KLHL29: variants seen among roughly 807,000 people sequenced by gnomAD.
KLHL29 encodes kelch-like protein 29.
Under a neutral mutation model 80.4 loss-of-function variants are expected in KLHL29, and 21 were observed. The ratio of observed to expected loss-of-function variants is 0.26; its 90% confidence interval spans 0.19 to 0.38. KLHL29 has a LOEUF of 0.38. KLHL29 is among the 10% of genes least tolerant of loss of function. The pLI is 1.00. For synonymous variants in KLHL29, 511 were observed against 526.8 expected (o/e 0.97, Z 0.41); for missense variants, 867 against 1,223.9 (o/e 0.71, Z 4.35).
intron 1 of KLHL29, among the ~76,000 whole-genome samples, chr2:23,470,027 A>T (rs1332305974): frequency 6.6e-6 from 1 of 151,990 alleles, no homozygotes; most frequent in Non-Finnish European, 1.5e-5. Flanking sequence ...AAAAAAAAAA[A>T]AGATTTTAAG....
At chr2:23,624,230 T>C (rs1669255025) in intron 3 of KLHL29, among the ~76,000 whole-genome samples, 1 of 152,148 alleles carries the variant, frequency 6.6e-6, no homozygotes, top group Admixed American at 6.5e-5. Flanking sequence ...TGTACTCCCC[T>C]GCCTACCCCA....
chr2:23,438,522 G>A (rs199541372), intron 1 of KLHL29, among the ~76,000 whole-genome samples: 5 of 144,530 alleles, frequency 3.5e-5, no homozygotes, highest in Admixed American at 2.8e-4. Flanking sequence ...TAGCATGAAG[G>A]GTTGTTGAAT....
intron 1 of KLHL29, among the ~76,000 whole-genome samples, chr2:23,462,074 G>C: frequency 6.7e-6 from 1 of 148,944 alleles, no homozygotes; most frequent in East Asian, 2.0e-4. Flanking sequence ...AGAGATTTTT[G>C]TCTGAATCTC....
intron 3 of KLHL29, among the ~76,000 whole-genome samples, chr2:23,625,461 C>T (rs943285867): frequency 4.6e-5 from 7 of 152,270 alleles, no homozygotes; most frequent in Admixed American, 1.3e-4. Context: ...CAACAGCATT[C>T]GGGAAAGACT....
intron 3 of KLHL29, among the ~76,000 whole-genome samples, chr2:23,605,557 TCA>T (rs1469911167): frequency 6.6e-6 from 1 of 152,148 alleles, no homozygotes; most frequent in African/African-American, 2.4e-5. Flanking sequence ...TCATCTTCTC[TCA>T]GTTTTTGTTG....
intron 2 of KLHL29, among the ~76,000 whole-genome samples, chr2:23,554,705 C>T (rs964539847): frequency 6.6e-6 from 1 of 152,226 alleles, no homozygotes; most frequent in African/African-American, 2.4e-5. Context: ...TCTCCGGGCC[C>T]AGGGCTGAGG....
chr2:23,469,152 C>T (rs970483573), intron 1 of KLHL29, among the ~76,000 whole-genome samples: 1 of 152,188 alleles, frequency 6.6e-6, no homozygotes, highest in Admixed American at 6.5e-5. Flanking sequence ...AAAGCTGTGT[C>T]CACACTGGAG....
rs560791059 is a variant in KLHL29, at chr2:23,636,120, G to C, written c.286-3019G>C. ...GCTTCCAGAACCCGGGGACCACATG[G>C]GTTTACTGAGGGCCTGGAACTCGTC... On this transcript the variant is annotated intron_variant, in intron 3 of 13. Coordinates refer to ENST00000486442, the MANE Select transcript of KLHL29 (RefSeq NM_052920.2). 1.2e-4 allele frequency among the ~76,000 whole-genome samples: 18 copies of C among 152,312 alleles called. No individual in the cohort carries two copies. In the South Asian group the frequency reaches 3.3e-3, roughly 28 times the overall value.
At chr2:23,546,263 C>A (rs1666977049) in intron 2 of KLHL29, among the ~76,000 whole-genome samples, 1 of 152,114 alleles carries the variant, frequency 6.6e-6, no homozygotes, top group Non-Finnish European at 1.5e-5. Flanking sequence ...GCAGGGGTGG[C>A]CAATGCAGTG....
chr2:23,598,885 C>T (rs1668496060), intron 3 of KLHL29, among the ~76,000 whole-genome samples: 1 of 152,194 alleles, frequency 6.6e-6, no homozygotes, highest in Non-Finnish European at 1.5e-5. Flanking sequence ...ATAGGGGTGG[C>T]CCTCTTCGGC....
chr2:23,436,326 GTGTGTC>G (rs1189778075), intron 1 of KLHL29, among the ~76,000 whole-genome samples: 208 of 137,970 alleles, frequency 1.5e-3, no homozygotes, highest in Non-Finnish European at 2.8e-3. Context: ...GTGTGTGTGT[GTGTGTC>G]TCAGCACCAG....
intron 5 of KLHL29, chr2:23,643,075 C>A: frequency 1.5e-6 from 1 of 688,550 alleles, no homozygotes; most frequent in Non-Finnish European, 2.6e-6. Flanking sequence ...GAAAATGCGC[C>A]GGGGTAAGAA....
At chr2:23,418,951 C>T (rs1225052966) in intron 1 of KLHL29, among the ~76,000 whole-genome samples, 3 of 152,132 alleles carry the variant, frequency 2.0e-5, no homozygotes, top group East Asian at 1.9e-4. Context: ...TGGCACTTTC[C>T]ATGGTAAAGG....
chr2:23,439,837 T>C (rs1335838361), intron 1 of KLHL29, among the ~76,000 whole-genome samples: 2 of 152,160 alleles, frequency 1.3e-5, no homozygotes, highest in African/African-American at 2.4e-5. Flanking sequence ...CCGCTTGGTG[T>C]AGAGCTGAGT....
intron 2 of KLHL29, among the ~76,000 whole-genome samples, chr2:23,475,982 G>A (rs1375470338): frequency 2.0e-5 from 3 of 152,154 alleles, no homozygotes; most frequent in African/African-American, 4.8e-5. Context: ...GGGTTCAAGC[G>A]ATCCTTCCAC....
chr2:23,468,422 G>A (rs889799527), intron 1 of KLHL29, among the ~76,000 whole-genome samples: 10 of 152,170 alleles, frequency 6.6e-5, no homozygotes, highest in African/African-American at 2.2e-4. Context: ...AAGGGGACCA[G>A]CAAATCACGA....
chr2:23,630,048 G>C (rs1007298564), intron 3 of KLHL29, among the ~76,000 whole-genome samples: 1 of 152,332 alleles, frequency 6.6e-6, no homozygotes, highest in East Asian at 1.9e-4. Context: ...CCATTGTTAG[G>C]GATCAGAGAA....
At chr2:23,418,054 C>G (rs938482318) in intron 1 of KLHL29, among the ~76,000 whole-genome samples, 1 of 152,214 alleles carries the variant, frequency 6.6e-6, no homozygotes, top group African/African-American at 2.4e-5. Context: ...TCCCCGAAGC[C>G]CAGCACAGTC....
chr2:23,664,239 C>T (rs1670495576), intron 5 of KLHL29, among the ~76,000 whole-genome samples: 1 of 152,152 alleles, frequency 6.6e-6, no homozygotes, highest in Admixed American at 6.5e-5. Flanking sequence ...TAATACACTG[C>T]ACACTGTCAG....
Sources: gnomAD v4.1 joint callset for allele counts (sites outside exome capture counted in the v4.1 genomes callset) on GRCh38, gnomAD v4.1.1 for gene constraint, MANE v1.5 for transcripts, NCBI Gene and HGNC (gene_info 2026-07-23, HGNC 2026-07-21) for gene names.